The following KCNQ1 variants were observed in gnomAD, a reference collection of about 807,000 sequenced individuals.
KCNQ1 encodes the protein potassium voltage-gated channel subfamily Q member 1.
In KCNQ1, 49 loss-of-function variants were observed where a neutral mutation model predicts 72.4. The ratio of observed to expected loss-of-function variants is 0.68; its 90% CI spans 0.54 to 0.86. The LOEUF (loss-of-function observed/expected upper bound fraction) is 0.86, where lower values mean the gene tolerates loss of function less well. Among genes scored for constraint, KCNQ1 ranks in the 40% least tolerant of loss-of-function variants. The pLI, the probability that KCNQ1 is intolerant of heterozygous loss-of-function variation, is 0.00. For synonymous variants in KCNQ1, 450 were observed against 412.6 expected (o/e 1.09, Z -1.10); for missense variants, 790 against 945.1 (o/e 0.84, Z 2.15).
rs375731267 is a variant in KCNQ1, at chr11:2,828,490, G to A, written c.1795-19277G>A. On this transcript the variant is annotated intron_variant, in intron 15 of 15. Transcript: ENST00000155840. The surrounding 1 kb of genome is among the most constrained non-coding windows in gnomAD (Gnocchi z 5.3). ...GGAAGCAGGAGGACAGATGGAGACTGGCCTAGGAGACTGGAGAGGGTAGAC... is the reference window on the plus strand; with the variant it reads ...GGAAGCAGGAGGACAGATGGAGACTAGCCTAGGAGACTGGAGAGGGTAGAC... 3.7e-4 allele frequency among the ~76,000 whole-genome samples: 57 copies of A among 152,296 alleles called. No individual in the cohort carries two copies. The highest frequency in any genetic ancestry group is 1.3e-3 in the African/African-American group (55 of 41,552).
At position 2,762,901 on chromosome 11, in the gene KCNQ1, A is replaced by C. The variant is rs1314156004; in HGVS notation, c.1515-5943A>C. Among the ~76,000 whole-genome samples the C allele has an allele frequency of 2.7e-5, 4 of 149,530 alleles. No individual in the cohort carries two copies. The highest frequency in any genetic ancestry group is 5.9e-5 in the Non-Finnish European group (4 of 67,608). On this transcript the variant is annotated intron_variant, in intron 11 of 15. Coordinates refer to ENST00000155840, the MANE Select transcript of KCNQ1 (RefSeq NM_000218.3). The surrounding 1 kb of genome is among the most constrained non-coding windows in gnomAD (Gnocchi z 4.3). Reference sequence around the variant, plus strand: ...CACTGCCCTATTCCGTCAGACCCCCACTGTTCATCTGTCTGCCCACACGCT... The same window carrying C: ...CACTGCCCTATTCCGTCAGACCCCCCCTGTTCATCTGTCTGCCCACACGCT...
At chr11:2,572,133 C>T (rs12786195) in intron 5 of KCNQ1, 24 bp downstream of exon 5, 34 of 1,571,650 alleles carry the variant, frequency 2.2e-5, no homozygotes, top group Admixed American at 1.4e-4. Context: ...GTTAGGGGTG[C>T]GGGGCCCAGG....
intron 1 of KCNQ1, among the ~76,000 whole-genome samples, chr11:2,496,634 T>A (rs1156824001): frequency 6.6e-6 from 1 of 151,916 alleles, no homozygotes; most frequent in Non-Finnish European, 1.5e-5. Flanking sequence ...TAACTCTTTA[T>A]CCAGTTTGCC....
At chr11:2,733,857 C>CTCTCTCTTTCTCTCT (rs147278439) in intron 11 of KCNQ1, among the ~76,000 whole-genome samples, 1 of 76,322 alleles carries the variant, frequency 1.3e-5, no homozygotes, top group African/African-American at 6.1e-5. Context: ...CTCTCTCTCT[C>CTCTCTCTTTCTCTCT]CCCCCCCACT....
chr11:2,694,084 C>A, intron 11 of KCNQ1: 1 of 398,666 alleles, frequency 2.5e-6, no homozygotes, highest in African/African-American at 2.1e-5. Flanking sequence ...TCCAACTAAA[C>A]CTCTGGGTGG....
In KCNQ1 at chr11:2,725,478, G is replaced by T. The variant is rs915804581; in HGVS notation, c.1515-43366G>T. 3.3e-5 allele frequency among the ~76,000 whole-genome samples: 5 copies of T among 152,210 alleles called. No individual in the cohort carries two copies. Among genetic ancestry groups the T allele is most frequent in the African/African-American group, 1.2e-4 (5 of 41,448 alleles). On this transcript the variant is annotated intron_variant, in intron 11 of 15. Coordinates refer to ENST00000155840, the MANE Select transcript of KCNQ1 (RefSeq NM_000218.3). The surrounding 1 kb of genome is among the most constrained non-coding windows in gnomAD (Gnocchi z 7.2). Reference sequence around the variant, plus strand: ...TGACCTGCCATTTGTCCGGTTGGGGGTCCCCAATCGTCTTCGAGCTACTGA... The same window carrying T: ...TGACCTGCCATTTGTCCGGTTGGGGTTCCCCAATCGTCTTCGAGCTACTGA...
rs1850713334 is a variant in KCNQ1 at position 2,698,334 on chromosome 11, C to G, written c.1514+36253C>G. 1 of 398,586 alleles carries G rather than the reference C, an allele frequency of 2.5e-6. No homozygotes were observed. Among genetic ancestry groups the G allele is most frequent in the Non-Finnish European group, 4.4e-6 (1 of 226,060 alleles). The allele number at this position is 398,586 out of a possible 1,614,324, so 24.7% of individuals were successfully genotyped here. On this transcript the variant is annotated intron_variant, in intron 11 of 15. Transcript: ENST00000155840. This position sits in a 1 kb window ranked among gnomAD's most constrained non-coding sequence, Gnocchi z 5.1. ...ACCAGAACAGTGCTGTGGGAAGGCA[C>G]TCTTACTCTCAATTTTATATAAAAG...
At chr11:2,689,200 C>G in intron 11 of KCNQ1, 1 of 398,826 alleles carries the variant, frequency 2.5e-6, no homozygotes, top group Non-Finnish European at 4.4e-6. Flanking sequence ...AACAGCTCAG[C>G]TTGCTGACTT....
chr11:2,502,655 T>C (rs1847036769), intron 1 of KCNQ1, among the ~76,000 whole-genome samples: 2 of 152,194 alleles, frequency 1.3e-5, no homozygotes, highest in Non-Finnish European at 2.9e-5. Flanking sequence ...ACAATACCAA[T>C]GACATTCTTC....
chr11:2,641,991 G>A lies in KCNQ1; in HGVS notation c.1394-19970G>A, dbSNP rs182730487. On this transcript the variant is annotated intron_variant, in intron 10 of 15. Coordinates refer to ENST00000155840, the MANE Select transcript of KCNQ1 (RefSeq NM_000218.3). Reference sequence around the variant, plus strand: ...TCTACTCTGTTCCATTGGTCTATCAGTTTTTATTCCAATACCATGCTGCTT... The same window carrying A: ...TCTACTCTGTTCCATTGGTCTATCAATTTTTATTCCAATACCATGCTGCTT... The A allele has an allele frequency of 2.5e-4, 100 of 398,332 alleles. No homozygotes were observed. In the East Asian group the frequency reaches 2.8e-3, roughly 11 times the overall value. 24.7% of individuals were successfully genotyped at this position (398,332 alleles called of 1,614,324 possible). A position where few individuals can be genotyped will look rare whatever the true frequency, so the allele number is the denominator to read the frequency against.
intron 11 of KCNQ1, among the ~76,000 whole-genome samples, chr11:2,747,796 C>T (rs1846163470): frequency 6.6e-6 from 1 of 151,944 alleles, no homozygotes; most frequent in South Asian, 2.1e-4. Context: ...TTCCAGAGAT[C>T]AGAAGGAGGT....
Position 2,471,386 on chromosome 11 carries a change from T to C in KCNQ1, c.386+25902T>C, listed in dbSNP as rs11604259. 0.79 allele frequency among the ~76,000 whole-genome samples: 120,864 copies of C among 152,120 alleles called. 48,134 individuals are homozygous for C. Among genetic ancestry groups the C allele is most frequent in the African/African-American group, 0.85 (35,246 of 41,506 alleles). Reference sequence around the variant, plus strand: ...CCCCCAACCCTGACCCAAGTGTCCTTCACGCTCAGCAACGCCACAGCCTCT... The same window carrying C: ...CCCCCAACCCTGACCCAAGTGTCCTCCACGCTCAGCAACGCCACAGCCTCT... On this transcript the variant is annotated intron_variant, in intron 1 of 15. Coordinates refer to ENST00000155840, the MANE Select transcript of KCNQ1 (RefSeq NM_000218.3). This position sits in a 1 kb window ranked among gnomAD's most constrained non-coding sequence, Gnocchi z 4.8.
chr11:2,649,948 T>C (rs755481831), intron 10 of KCNQ1: 9 of 398,400 alleles, frequency 2.3e-5, no homozygotes, highest in Non-Finnish European at 3.5e-5. Flanking sequence ...AGCTTAATAG[T>C]GTCTCATATG....
rs1846455219 is a variant in KCNQ1 at position 2,471,464 on chromosome 11, T to C, written c.386+25980T>C. ...AGACCCAGGGGACCTGCGAGATCCATCTCGCCCCACACACCACCAGGTCCC... is the reference window on the plus strand; with the variant it reads ...AGACCCAGGGGACCTGCGAGATCCACCTCGCCCCACACACCACCAGGTCCC... On this transcript the variant is annotated intron_variant, in intron 1 of 15. Coordinates refer to ENST00000155840, the MANE Select transcript of KCNQ1 (RefSeq NM_000218.3). The surrounding 1 kb of genome is among the most constrained non-coding windows in gnomAD (Gnocchi z 4.8). Among the ~76,000 whole-genome samples, 1 of 152,206 alleles carries C rather than the reference T, an allele frequency of 6.6e-6. No individual in the cohort carries two copies. Among genetic ancestry groups the C allele is most frequent in the Non-Finnish European group, 1.5e-5 (1 of 68,036 alleles).
At position 2,446,659 on chromosome 11, in the gene KCNQ1, G is replaced by T. The variant is rs1023109468; in HGVS notation, c.386+1175G>T. On this transcript the variant is annotated intron_variant, in intron 1 of 15. Coordinates refer to ENST00000155840, the MANE Select transcript of KCNQ1 (RefSeq NM_000218.3). This position sits in a 1 kb window ranked among gnomAD's most constrained non-coding sequence, Gnocchi z 8.8. ...AGGGCTACTGCCTTCCTTGCTAAGA[G>T]GTGGCCTTCCACATCAGGAAGGGGA... Among the ~76,000 whole-genome samples, 5 of 152,194 alleles carry T rather than the reference G, an allele frequency of 3.3e-5. No individual in the cohort carries two copies. The highest frequency in any genetic ancestry group is 1.2e-4 in the African/African-American group (5 of 41,460).
At chr11:2,753,791 C>A (rs919312996) in intron 11 of KCNQ1, among the ~76,000 whole-genome samples, 1 of 152,162 alleles carries the variant, frequency 6.6e-6, no homozygotes, top group Non-Finnish European at 1.5e-5. Flanking sequence ...ATTCCTTTGG[C>A]CGGGGACACA....
In KCNQ1 at chr11:2,624,749, A is replaced by G. The variant is rs147108721; in HGVS notation, c.1393+35895A>G. The G allele has an allele frequency of 2.5e-6, 1 of 397,976 alleles. No individual in the cohort carries two copies. Among genetic ancestry groups the G allele is most frequent in the Non-Finnish European group, 4.4e-6 (1 of 225,932 alleles). 24.7% of individuals were successfully genotyped at this position (397,976 alleles called of 1,614,324 possible). A position where few individuals can be genotyped will look rare whatever the true frequency, so the allele number is the denominator to read the frequency against. On this transcript the variant is annotated intron_variant, in intron 10 of 15. Transcript: ENST00000155840. The surrounding 1 kb of genome is among the most constrained non-coding windows in gnomAD (Gnocchi z 4.9). ...TAAACAATAATTCCCCAACCCCCCC[A>G]CCACCGCCATCTCTTGGAAACCACC... is the stretch of plus-strand genomic sequence containing the variant.
rs545699662 is a variant in KCNQ1 at position 2,506,728 on chromosome 11, T to A, written c.387-21200T>A. On this transcript the variant is annotated intron_variant, in intron 1 of 15. Coordinates refer to ENST00000155840, the MANE Select transcript of KCNQ1 (RefSeq NM_000218.3). ...GCACTCCCCCAGCAATGCATGAGCA[T>A]ACCGGTTTTTTCTACAGTTGCGCCA... Among the ~76,000 whole-genome samples, 4 of 152,348 alleles carry A rather than the reference T, an allele frequency of 2.6e-5. No individual in the cohort carries two copies. In the South Asian group the frequency reaches 8.3e-4, roughly 32 times the overall value.
Position 2,658,690 on chromosome 11 carries a change from AT to A in KCNQ1, c.1394-3270del. 2.5e-6 allele frequency: 1 copy of A among 398,564 alleles called. No homozygotes were observed. 24.7% of individuals were successfully genotyped at this position (398,564 alleles called of 1,614,324 possible). On this transcript the variant is annotated intron_variant, in intron 10 of 15. Transcript: ENST00000155840. This position sits in a 1 kb window ranked among gnomAD's most constrained non-coding sequence, Gnocchi z 4.9. ...CTCTCAGTGGACAGAGCTAGGAAATATATGTATGTATGTAACCTGAGTACAC... is the reference window on the plus strand; with the variant it reads ...CTCTCAGTGGACAGAGCTAGGAAATAATGTATGTATGTAACCTGAGTACAC...
Sources: allele counts gnomAD v4.1 joint callset (sites outside exome capture counted in the v4.1 genomes callset), GRCh38; gene constraint gnomAD v4.1.1; non-coding constraint Gnocchi (gnomAD v3.1); transcripts MANE v1.5; gene names NCBI Gene and HGNC (gene_info 2026-07-23, HGNC 2026-07-21).